The following TBKBP1 variants were observed in gnomAD, a reference collection of about 807,000 sequenced individuals.
TBKBP1 encodes TANK-binding kinase 1-binding protein 1.
In TBKBP1, 47 loss-of-function variants were observed where a neutral mutation model predicts 69.9. The observed-to-expected ratio is 0.67, with a 90% confidence interval of 0.53 to 0.86. TBKBP1 has a LOEUF of 0.86. TBKBP1 is among the 40% of genes least tolerant of loss of function. The pLI is 0.00. For synonymous variants in TBKBP1, 418 were observed against 390.3 expected (o/e 1.07, Z -0.84); for missense variants, 831 against 858.6 (o/e 0.97, Z 0.40).
At chr17:47,697,342 A>G in intron 4 of TBKBP1, 149 bp downstream of exon 4, 1 of 714,036 alleles carries the variant, frequency 1.4e-6, no homozygotes, top group Non-Finnish European at 2.4e-6. Context: ...GCTTGTGTTC[A>G]TGTGTATCTG....
In TBKBP1 at chr17:47,698,621, T is replaced by A. The variant is rs2031349394; in HGVS notation, c.480T>A (p.Arg160=). ...GGGCCCTGGTGGAGACGCACCTGCGTCAGATCTGTGGTTTGGAGCAGCAGC... is the reference window on the plus strand; with the variant it reads ...GGGCCCTGGTGGAGACGCACCTGCGACAGATCTGTGGTTTGGAGCAGCAGC... The part of the protein sequence containing the change: ...EMRALVETHL[R]QICGLEQQLR... The change falls in exon 5 of 10, where the codon CGT becomes CGA. Residue 160 remains arginine (R), a synonymous_variant. Transcript: ENST00000578982. 3 of 1,598,702 alleles carry A rather than the reference T, an allele frequency of 1.9e-6. No individual in the cohort carries two copies. Among genetic ancestry groups the A allele is most frequent in the Non-Finnish European group, 2.6e-6 (3 of 1,172,800 alleles).
intron 3 of TBKBP1, 94 bp downstream of exon 3, chr17:47,696,927 C>G: frequency 1.3e-6 from 2 of 1,554,880 alleles, no homozygotes; most frequent in Admixed American, 1.9e-5. Context: ...CTGGCCTCTG[C>G]CCTTTGATTA....
rs965039279 is a variant in TBKBP1 at position 47,696,734 on chromosome 17, A to G, written c.249A>G (p.Gly83=). The G allele has an allele frequency of 6.2e-7, 1 of 1,613,936 alleles. No individual in the cohort carries two copies. The highest frequency in any genetic ancestry group is 8.5e-7 in the Non-Finnish European group (1 of 1,179,852). Reference sequence around the variant, plus strand: ...AGTACCCACTGATCAGTGACTTTGGAGAGGAGCATGGCTTTTCTCTGTATG... The same window carrying G: ...AGTACCCACTGATCAGTGACTTTGGGGAGGAGCATGGCTTTTCTCTGTATG... ...EIKYPLISDF[G]EEHGFSLYEI... is the part of the protein sequence containing the mutation. Residue 83 remains glycine (G), a synonymous_variant, in exon 3 of 10, where the codon GGA becomes GGG. Coordinates refer to ENST00000578982, the MANE Select transcript of TBKBP1 (RefSeq NM_001394755.1).
intron 7 of TBKBP1, among the ~76,000 whole-genome samples, chr17:47,700,314 TTTGGA>T (rs1218321088): frequency 1.6e-5 from 2 of 126,414 alleles, no homozygotes; most frequent in Non-Finnish European, 3.3e-5. Context: ...TTTTTTTTTT[TTTGGA>T]TTTTTAGTAG....
chr17:47,695,105 C>T (rs1024024514), intron 1 of TBKBP1, among the ~76,000 whole-genome samples: 1 of 152,190 alleles, frequency 6.6e-6, no homozygotes, highest in Non-Finnish European at 1.5e-5. Flanking sequence ...CCCACGCGCT[C>T]ACGCACGCGT....
At chr17:47,696,908 C>T (rs1229188513) in intron 3 of TBKBP1, 75 bp downstream of exon 3, 1 of 1,579,116 alleles carries the variant, frequency 6.3e-7, no homozygotes, top group Non-Finnish European at 8.6e-7. Flanking sequence ...CCTCCACACC[C>T]CCCAGCATCT....
intron 7 of TBKBP1, among the ~76,000 whole-genome samples, chr17:47,701,275 G>A (rs1356488986): frequency 6.6e-6 from 1 of 152,012 alleles, no homozygotes; most frequent in Admixed American, 6.6e-5. Context: ...TTGTGGAGAG[G>A]GTCCACCCTA....
intron 1 of TBKBP1, 154 bp from the exon 2 acceptor site, chr17:47,695,925 T>C: frequency 1.8e-6 from 1 of 564,456 alleles, no homozygotes; most frequent in South Asian, 2.4e-5. Context: ...CTGAGGAGTC[T>C]GGGAAGGGGC....
intron 7 of TBKBP1, among the ~76,000 whole-genome samples, chr17:47,706,863 ACACACACG>A (rs1555623212): frequency 5.9e-4 from 90 of 151,364 alleles, no homozygotes; most frequent in African/African-American, 2.2e-3. Context: ...ACACACACAC[ACACACACG>A]CACACACCCC....
Position 47,709,038 on chromosome 17 carries a change from C to G in TBKBP1, c.1305C>G (p.Gly435=). 1 of 1,272,054 alleles carries G rather than the reference C, an allele frequency of 7.9e-7. No homozygotes were observed. 78.8% of individuals were successfully genotyped at this position (1,272,054 alleles called of 1,614,324 possible). A position where few individuals can be genotyped will look rare whatever the true frequency, so the allele number is the denominator to read the frequency against. Residue 435 remains glycine (G), a synonymous_variant, in exon 9 of 10, where the codon GGC becomes GGG. Coordinates refer to ENST00000578982, the MANE Select transcript of TBKBP1 (RefSeq NM_001394755.1). The part of the protein sequence containing the change: ...QPRPPPPPPP[G]ERTLAERAYA... ...GGCCACCGCCGCCGCCCCCGCCGGG[C>G]GAGAGGACGCTGGCCGAGCGCGCCT...
Position 47,697,163 on chromosome 17 carries a change from G to T in TBKBP1, c.423G>T (p.Lys141Asn). ...CCTACGAGAAACTCTGCGTGGAGAA[G>T]AGTGACTTGGAGACAGAGCTGAGGG... ...IQAYEKLCVE[K>N]SDLETELREM... The change falls in exon 4 of 10, where the codon AAG (lysine) becomes AAT (asparagine). Residue 141 changes from lysine to asparagine, a missense_variant. Lys to Asn is a moderately conservative substitution (Grantham distance 94). Transcript: ENST00000578982. The T allele has an allele frequency of 1.2e-6, 2 of 1,613,128 alleles. No homozygotes were observed. The highest frequency in any genetic ancestry group is 1.7e-6 in the Non-Finnish European group (2 of 1,179,488).
Position 47,698,791 on chromosome 17 carries a change from C to T in TBKBP1, c.634+16C>T. 6.6e-7 allele frequency: 1 copy of T among 1,526,490 alleles called. No homozygotes were observed. Among genetic ancestry groups the T allele is most frequent in the African/African-American group, 1.4e-5 (1 of 72,434 alleles). 94.6% of individuals were successfully genotyped at this position (1,526,490 alleles called of 1,614,324 possible). A position where few individuals can be genotyped will look rare whatever the true frequency, so the allele number is the denominator to read the frequency against. ...TTGAGTCATGGTGAGATCTCAGTGA[C>T]CCCGACTTACCTCCTAGTCCCCAAC... is the stretch of plus-strand genomic sequence containing the variant. On this transcript the variant is annotated intron_variant, in intron 5 of 9. Coordinates refer to ENST00000578982, the MANE Select transcript of TBKBP1 (RefSeq NM_001394755.1).
intron 3 of TBKBP1, 24 bp downstream of exon 3, chr17:47,696,857 C>T: frequency 6.2e-7 from 1 of 1,611,468 alleles, no homozygotes; most frequent in Non-Finnish European, 8.5e-7. Flanking sequence ...GCTGGGCGCA[C>T]CCCCTGAGCA....
In TBKBP1 at chr17:47,708,770, A is replaced by T; in HGVS notation, c.1037A>T (p.Gln346Leu). ...TCACAACGCCACTCCCCGGCCCCCC[A>T]GTGCCCCTCCCCCTCCCCGCCTGCC... ...PLSQRHSPAP[Q>L]CPSPSPPARA... Residue 346 changes from glutamine (Q) to leucine (L), a missense_variant, in exon 9 of 10, where the codon CAG becomes CTG. Physicochemically the swap from Gln to Leu is moderately radical, Grantham distance 113. Transcript: ENST00000578982. The surrounding 1 kb of genome is among the most constrained non-coding windows in gnomAD (Gnocchi z 4.4). 5.8e-6 allele frequency: 2 copies of T among 346,054 alleles called. No homozygotes were observed. The highest frequency in any genetic ancestry group is 6.3e-5 in the East Asian group (1 of 15,940). 21.4% of individuals were successfully genotyped at this position (346,054 alleles called of 1,614,324 possible). A position where few individuals can be genotyped will look rare whatever the true frequency, so the allele number is the denominator to read the frequency against.
rs1228413002 is a variant in TBKBP1, at chr17:47,710,896, C to A, written c.*270C>A. On this transcript the variant is annotated 3_prime_UTR_variant, in exon 10 of 10. Coordinates refer to ENST00000578982, the MANE Select transcript of TBKBP1 (RefSeq NM_001394755.1). Reference sequence around the variant, plus strand: ...TGGGCTGGGATGGGGACGGCATACCCCTCCCAGGCCTCTCCCTCTGCCTTT... The same window carrying A: ...TGGGCTGGGATGGGGACGGCATACCACTCCCAGGCCTCTCCCTCTGCCTTT... The A allele has an allele frequency of 5.6e-6, 2 of 357,914 alleles. No homozygotes were observed. Among genetic ancestry groups the A allele is most frequent in the Non-Finnish European group, 1.0e-5 (2 of 194,912 alleles). 22.2% of individuals were successfully genotyped at this position (357,914 alleles called of 1,614,324 possible).
At chr17:47,708,000 T>C (rs2031755043) in intron 7 of TBKBP1, among the ~76,000 whole-genome samples, 1 of 152,234 alleles carries the variant, frequency 6.6e-6, no homozygotes, top group African/African-American at 2.4e-5. Flanking sequence ...TTTTGATGAA[T>C]CGGTGCTTTA....
chr17:47,697,294 T>G (rs1457881812), intron 4 of TBKBP1, 101 bp downstream of exon 4: 2 of 978,952 alleles, frequency 2.0e-6, no homozygotes, highest in African/African-American at 3.2e-5. Context: ...CCTGTGACAG[T>G]GCAGTCCCAT....
chr17:47,706,189 A>G (rs1597966277), intron 7 of TBKBP1, among the ~76,000 whole-genome samples: 1 of 152,094 alleles, frequency 6.6e-6, no homozygotes, highest in South Asian at 2.1e-4. Context: ...AGCTTTGGCT[A>G]TGTGGACAGA....
chr17:47,694,888 AGG>A (rs56069116), intron 1 of TBKBP1, among the ~76,000 whole-genome samples: 3,168 of 127,736 alleles, frequency 0.025, 120 homozygotes, highest in East Asian at 0.18. Flanking sequence ...TGGGTGGCGG[AGG>A]GGGGGGGGTG....
Sources: gnomAD v4.1 joint callset for allele counts (sites outside exome capture counted in the v4.1 genomes callset) on GRCh38, gnomAD v4.1.1 for gene constraint, Gnocchi (gnomAD v3.1) non-coding constraint, MANE v1.5 for transcripts, NCBI Gene and HGNC (gene_info 2026-07-23, HGNC 2026-07-21) for gene names.